SUSD1: variants seen among roughly 807,000 people sequenced by gnomAD.
SUSD1 encodes the protein sushi domain-containing protein 1.
A neutral mutation model predicts 86.9 loss-of-function variants in SUSD1; 65 were observed. That is an observed-to-expected ratio of 0.75 (90% CI 0.61 to 0.92). The LOEUF is 0.92. Among genes scored for constraint, SUSD1 ranks in the 40% least tolerant of loss-of-function variants. The pLI is 0.00. For synonymous variants in SUSD1, 346 were observed against 350.0 expected, an observed-to-expected ratio of 0.99 and a Z score of 0.13; for missense variants, 850 against 929.7, an observed-to-expected ratio of 0.91 and a Z score of 1.11.
intron 12 of SUSD1, among the ~76,000 whole-genome samples, chr9:112,072,981 G>A (rs1829350767): frequency 6.6e-6 from 1 of 152,204 alleles, no homozygotes; most frequent in South Asian, 2.1e-4. Context: ...GAGGACACAG[G>A]GGTACAGCAT....
In SUSD1 at chr9:112,098,541, G is replaced by A. The variant is rs994368460; in HGVS notation, c.1403C>T (p.Thr468Met). Residue 468 changes from threonine (T) to methionine (M), a missense_variant, in exon 10 of 17, where the codon ACG becomes ATG. Coordinates refer to ENST00000374270, the MANE Select transcript of SUSD1 (RefSeq NM_022486.5). ...CLDLYPTTDY[T>M]VNVTLLRSPK... ...AGATCTCAGCAGGGTCACATTCACC[G>A]TATAATCAGTCGTAGGGTACAGATC... The A allele has an allele frequency of 1.3e-5, 21 of 1,614,040 alleles. No individual in the cohort carries two copies. The highest frequency in any genetic ancestry group is 1.5e-5 in the Non-Finnish European group (18 of 1,180,024).
intron 10 of SUSD1, among the ~76,000 whole-genome samples, chr9:112,092,925 A>G (rs1045299286): frequency 2.0e-5 from 3 of 152,238 alleles, no homozygotes; most frequent in East Asian, 1.9e-4. Flanking sequence ...ATCTATGTCC[A>G]TGAGAACACA....
intron 5 of SUSD1, among the ~76,000 whole-genome samples, chr9:112,141,218 T>C (rs934479696): frequency 9.9e-5 from 15 of 152,178 alleles, no homozygotes; most frequent in African/African-American, 3.4e-4. Context: ...AACACGTGAG[T>C]GTGATGCACT....
intron 10 of SUSD1, among the ~76,000 whole-genome samples, chr9:112,083,804 GCT>G (rs1362499963): frequency 6.6e-6 from 1 of 152,104 alleles, no homozygotes; most frequent in Non-Finnish European, 1.5e-5. Flanking sequence ...TTCAAAATGT[GCT>G]CTTTTTGTTT....
chr9:112,164,876 G>A (rs893807637), intron 1 of SUSD1, among the ~76,000 whole-genome samples: 1 of 152,154 alleles, frequency 6.6e-6, no homozygotes, highest in Non-Finnish European at 1.5e-5. Context: ...GCCGGGAGGC[G>A]GAGGTTGCAG....
chr9:112,104,855 A>G (rs888085516), intron 8 of SUSD1: 1 of 152,222 alleles, frequency 6.6e-6, no homozygotes, highest in Non-Finnish European at 1.5e-5. Context: ...AAACTGCAAA[A>G]TGATTCTACA....
chr9:112,123,008 C>T (rs1425985531), intron 6 of SUSD1, among the ~76,000 whole-genome samples: 1 of 152,024 alleles, frequency 6.6e-6, no homozygotes. Flanking sequence ...TTCAGTTTTG[C>T]AAGATGAAAA....
chr9:112,106,259 C>T (rs1462787255), intron 8 of SUSD1, among the ~76,000 whole-genome samples: 2 of 151,986 alleles, frequency 1.3e-5, no homozygotes, highest in African/African-American at 4.8e-5. Context: ...AGGCATGAGC[C>T]ACCACACCTG....
intron 5 of SUSD1, among the ~76,000 whole-genome samples, chr9:112,142,022 A>G (rs2131753243): frequency 6.6e-6 from 1 of 151,114 alleles, no homozygotes; most frequent in Middle Eastern, 3.4e-3. Flanking sequence ...ATAAAAAAAT[A>G]ATATTCAAAG....
chr9:112,115,308 A>G (rs1172831987), intron 6 of SUSD1, among the ~76,000 whole-genome samples: 1 of 152,224 alleles, frequency 6.6e-6, no homozygotes, highest in Non-Finnish European at 1.5e-5. Flanking sequence ...AGCAATGCCT[A>G]GATTCTGTGT....
At chr9:112,111,218 T>G (rs1244660134) in intron 8 of SUSD1, among the ~76,000 whole-genome samples, 1 of 152,124 alleles carries the variant, frequency 6.6e-6, no homozygotes, top group Admixed American at 6.5e-5. Context: ...GGTCTGGAAC[T>G]CCTGACCTCA....
intron 12 of SUSD1, among the ~76,000 whole-genome samples, chr9:112,077,872 G>A (rs901539100): frequency 8.5e-5 from 13 of 152,162 alleles, no homozygotes; most frequent in African/African-American, 3.1e-4. Flanking sequence ...AGAGCCACAA[G>A]CATTTTTTGT....
At chr9:112,073,386 CA>C (rs1829368099) in intron 12 of SUSD1, among the ~76,000 whole-genome samples, 1 of 152,136 alleles carries the variant, frequency 6.6e-6, no homozygotes, top group African/African-American at 2.4e-5. Context: ...CATTCCATCT[CA>C]AATGATCACC....
At chr9:112,092,265 T>C (rs1830234293) in intron 10 of SUSD1, among the ~76,000 whole-genome samples, 1 of 152,278 alleles carries the variant, frequency 6.6e-6, no homozygotes, top group Admixed American at 6.5e-5. Flanking sequence ...GCATTTCTAA[T>C]GCATCTTTTC....
intron 10 of SUSD1, among the ~76,000 whole-genome samples, chr9:112,089,825 A>G (rs1360313924): frequency 2.8e-4 from 43 of 150,900 alleles, no homozygotes; most frequent in Admixed American, 2.8e-3. Context: ...AAAAAAAAAA[A>G]AAAAAAAGAA....
At chr9:112,118,605 C>G (rs1195452941) in intron 6 of SUSD1, among the ~76,000 whole-genome samples, 1 of 152,150 alleles carries the variant, frequency 6.6e-6, no homozygotes, top group East Asian at 1.9e-4. Flanking sequence ...CAGCCTCAGC[C>G]TCCCGAGTAG....
At chr9:112,052,540 C>A in intron 14 of SUSD1, 102 bp from the exon 15 acceptor site, 1 of 1,331,808 alleles carries the variant, frequency 7.5e-7, no homozygotes, top group Non-Finnish European at 1.1e-6. Flanking sequence ...CTTTTTCAAT[C>A]TCTTAATCTG....
chr9:112,099,427 C>T (rs1184459745), intron 9 of SUSD1, among the ~76,000 whole-genome samples: 1 of 151,982 alleles, frequency 6.6e-6, no homozygotes, highest in Non-Finnish European at 1.5e-5. Context: ...GTTCCTTAAC[C>T]CTACCCATGG....
intron 5 of SUSD1, among the ~76,000 whole-genome samples, chr9:112,133,411 C>T (rs955127320): frequency 6.6e-6 from 1 of 152,226 alleles, no homozygotes; most frequent in Non-Finnish European, 1.5e-5. Flanking sequence ...TGAAGCCACA[C>T]ACCTGATCAG....
Sources: gnomAD v4.1 joint callset for allele counts (sites outside exome capture counted in the v4.1 genomes callset) on GRCh38, gnomAD v4.1.1 for gene constraint, MANE v1.5 for transcripts, NCBI Gene and HGNC (gene_info 2026-07-23, HGNC 2026-07-21) for gene names.